Variants in CADPS observed in about 807,000 individuals in gnomAD.
The protein encoded by CADPS is calcium dependent secretion activator, also known as calcium-dependent secretion activator 1.
In CADPS, 57 loss-of-function variants were observed where a neutral mutation model predicts 167.3. That is an observed-to-expected ratio of 0.34 (90% confidence interval 0.28 to 0.42). The LOEUF (loss-of-function observed/expected upper bound fraction) is 0.42, where lower values mean the gene tolerates loss of function less well. CADPS is among the 20% of genes least tolerant of loss of function. CADPS has a pLI of 1.00. For synonymous variants in CADPS, 676 were observed against 635.3 expected (o/e 1.06, Z -0.96); for missense variants, 1,414 against 1,738.1 (o/e 0.81, Z 3.32).
At chr3:62,547,586 G>GCCCC (rs386396848) in intron 11 of CADPS, among the ~76,000 whole-genome samples, 12 of 31,448 alleles carry the variant, frequency 3.8e-4, no homozygotes, top group Admixed American at 2.3e-3. Context: ...TATCATTTAC[G>GCCCC]CCCCCCCCCC....
Position 62,511,819 on chromosome 3 carries a change from C to G in CADPS, c.2599+932G>C, listed in dbSNP as rs188159497. On this transcript the variant is annotated intron_variant, in intron 17 of 29. Transcript: ENST00000383710. ...CTCCATGAGGCTAATAGCCGTTTCCCTCTTGTTTACATAGTCTCTGGCTTT... is the reference window on the plus strand; with the variant it reads ...CTCCATGAGGCTAATAGCCGTTTCCGTCTTGTTTACATAGTCTCTGGCTTT... 4.7e-3 allele frequency among the ~76,000 whole-genome samples: 717 copies of G among 152,216 alleles called. 5 individuals are homozygous for G. Among genetic ancestry groups the G allele is most frequent in the African/African-American group, 0.016 (674 of 41,524 alleles).
chr3:62,842,404 GGAGT>G, intron 1 of CADPS, among the ~76,000 whole-genome samples: 1 of 152,290 alleles, frequency 6.6e-6, no homozygotes, highest in East Asian at 1.9e-4. Flanking sequence ...TAACCATTAT[GGAGT>G]GAGGATTTTC....
chr3:62,572,695 G>C (rs1022394382), intron 8 of CADPS, among the ~76,000 whole-genome samples: 3 of 150,280 alleles, frequency 2.0e-5, no homozygotes, highest in Non-Finnish European at 3.0e-5. Flanking sequence ...TTATAGGCTT[G>C]ATATACCAAT....
chr3:62,679,466 T>G (rs1175339287), intron 3 of CADPS, among the ~76,000 whole-genome samples: 2 of 151,824 alleles, frequency 1.3e-5, no homozygotes, highest in Non-Finnish European at 2.9e-5. Context: ...GGAGCTTATG[T>G]GTGGTTGGAA....
chr3:62,626,415 T>C (rs1445822666), intron 6 of CADPS: 3 of 671,918 alleles, frequency 4.5e-6, no homozygotes, highest in Non-Finnish European at 5.4e-6. Context: ...ACCAGGGAAA[T>C]ACACAGACTA....
intron 9 of CADPS, among the ~76,000 whole-genome samples, chr3:62,563,595 G>A (rs1042039246): frequency 6.6e-6 from 1 of 152,148 alleles, no homozygotes; most frequent in African/African-American, 2.4e-5. Flanking sequence ...AGTTACATGA[G>A]TAAGTTCTTT....
intron 3 of CADPS, among the ~76,000 whole-genome samples, chr3:62,693,466 T>C (rs925882204): frequency 6.6e-6 from 1 of 152,076 alleles, no homozygotes; most frequent in African/African-American, 2.4e-5. Flanking sequence ...GATGGGAACA[T>C]ATTTTAAATT....
chr3:62,623,807 A>G (rs1355544), intron 6 of CADPS, among the ~76,000 whole-genome samples: 138,369 of 152,090 alleles, frequency 0.91, 63,652 homozygotes, highest in East Asian at 1. Flanking sequence ...CCACTGTTTC[A>G]GTCAATAAAA....
chr3:62,756,309 C>T (rs559128428), intron 2 of CADPS, among the ~76,000 whole-genome samples: 4 of 152,208 alleles, frequency 2.6e-5, no homozygotes, highest in Admixed American at 6.5e-5. Context: ...TCAAGTGATA[C>T]ACCCGCCTGG....
At chr3:62,664,752 C>T (rs1305423512) in intron 3 of CADPS, among the ~76,000 whole-genome samples, 1 of 152,166 alleles carries the variant, frequency 6.6e-6, no homozygotes, top group Non-Finnish European at 1.5e-5. Context: ...CAGGTTAAAA[C>T]AGAAGTGGGA....
At chr3:62,824,166 CAAAA>C (rs3047274) in intron 1 of CADPS, among the ~76,000 whole-genome samples, 4 of 126,638 alleles carry the variant, frequency 3.2e-5, no homozygotes, top group East Asian at 2.1e-4. Context: ...GCTATAACTT[CAAAA>C]AAAAAAAAAA....
At position 62,781,911 on chromosome 3, in the gene CADPS, A is replaced by G. The variant is rs113735813; in HGVS notation, c.442-15927T>C. On this transcript the variant is annotated intron_variant, in intron 1 of 29. Transcript: ENST00000383710. ...CGCTTCACTGAAATTCTTCATTTGT[A>G]TTTGGTCCCCAGAGCCCTCACAATT... Among the ~76,000 whole-genome samples, 47 of 152,306 alleles carry G rather than the reference A, an allele frequency of 3.1e-4. 1 individual carries two copies. The highest frequency in any genetic ancestry group is 1.1e-3 in the African/African-American group (46 of 41,574).
chr3:62,653,222 T>C (rs993448779), intron 4 of CADPS, among the ~76,000 whole-genome samples: 6 of 152,146 alleles, frequency 3.9e-5, no homozygotes, highest in Non-Finnish European at 8.8e-5. Context: ...TGTTATGGTA[T>C]TTGAAGATGG....
At chr3:62,558,390 C>T (rs1423004506) in intron 9 of CADPS, among the ~76,000 whole-genome samples, 1 of 152,220 alleles carries the variant, frequency 6.6e-6, no homozygotes, top group Non-Finnish European at 1.5e-5. Context: ...CTACATCTGG[C>T]TTGTCTGCAA....
intron 1 of CADPS, among the ~76,000 whole-genome samples, chr3:62,826,338 G>A (rs1327416983): frequency 6.6e-6 from 1 of 152,052 alleles, no homozygotes; most frequent in Non-Finnish European, 1.5e-5. Flanking sequence ...ACATAAAACT[G>A]GCACACTCTG....
intron 1 of CADPS, chr3:62,779,716 C>A (rs929665689): frequency 2.4e-6 from 1 of 419,276 alleles, no homozygotes; most frequent in African/African-American, 2.0e-5. Flanking sequence ...ACAGTTGTGA[C>A]CAGTTTTCCA....
At chr3:62,553,540 C>T (rs2077641887) in intron 10 of CADPS, among the ~76,000 whole-genome samples, 1 of 152,152 alleles carries the variant, frequency 6.6e-6, no homozygotes, top group Admixed American at 6.5e-5. Context: ...AGCATGAATC[C>T]AGGGCTGGGC....
chr3:62,641,012 T>G (rs901340237), intron 6 of CADPS, among the ~76,000 whole-genome samples: 4 of 152,222 alleles, frequency 2.6e-5, no homozygotes, highest in Non-Finnish European at 5.9e-5. Context: ...CAAGATACTT[T>G]CATGATTACT....
intron 1 of CADPS, among the ~76,000 whole-genome samples, chr3:62,835,881 AC>A (rs2075819543): frequency 6.6e-6 from 1 of 152,152 alleles, no homozygotes; most frequent in African/African-American, 2.4e-5. Flanking sequence ...TATTTTTGTT[AC>A]TGGGGGAGTC....
Sources: allele counts gnomAD v4.1 joint callset (sites outside exome capture counted in the v4.1 genomes callset), GRCh38; gene constraint gnomAD v4.1.1; transcripts MANE v1.5; gene names NCBI Gene and HGNC (gene_info 2026-07-23, HGNC 2026-07-21).